Variants in TRIM37 observed in about 807,000 individuals in gnomAD.
TRIM37 encodes the protein E3 ubiquitin-protein ligase TRIM37.
In TRIM37, 80 loss-of-function variants were observed where a neutral mutation model predicts 129.8. The ratio of observed to expected loss-of-function variants is 0.62; its 90% CI spans 0.51 to 0.74. TRIM37 has a LOEUF of 0.74. Among genes scored for constraint, TRIM37 ranks in the 30% least tolerant of loss-of-function variants. The probability of loss-of-function intolerance (pLI) is 0.00; values close to 1 mark genes in which losing one functional copy is unlikely to be tolerated. For missense variants in TRIM37, 1,054 were observed against 1,176.5 expected, an observed-to-expected ratio of 0.90 and a Z score of 1.52; for synonymous variants, 389 against 387.1, an observed-to-expected ratio of 1.00 and a Z score of -0.06.
chr17:59,029,300 A>C (rs568847389), intron 18 of TRIM37, among the ~76,000 whole-genome samples: 1 of 152,202 alleles, frequency 6.6e-6, no homozygotes, highest in African/African-American at 2.4e-5. Context: ...TCCATTTCTG[A>C]TAATTTTCTC....
rs896534002 is a variant in TRIM37, at chr17:59,099,075, C to T, written c.123+5218G>A. 1.2e-4 allele frequency among the ~76,000 whole-genome samples: 18 copies of T among 152,098 alleles called. 1 individual carries two copies. The highest frequency in any genetic ancestry group is 4.3e-4 in the African/African-American group (18 of 41,500). ...GCGCACACCTGTAGTCCCAGCTACT[C>T]GGGAGGCTGAGGCAGCAGACTCGCT... On this transcript the variant is annotated intron_variant, in intron 2 of 23. Coordinates refer to ENST00000262294, the MANE Select transcript of TRIM37 (RefSeq NM_015294.6).
At chr17:59,098,723 A>T (rs1477301225) in intron 2 of TRIM37, among the ~76,000 whole-genome samples, 1 of 151,176 alleles carries the variant, frequency 6.6e-6, no homozygotes, top group Non-Finnish European at 1.5e-5. Context: ...TACCACAATT[A>T]AAAAAAAATT....
chr17:59,081,680 G>A (rs980697997), intron 5 of TRIM37, among the ~76,000 whole-genome samples: 4 of 152,044 alleles, frequency 2.6e-5, no homozygotes, highest in African/African-American at 9.6e-5. Flanking sequence ...CGCTGAGGAG[G>A]GCAGATCACT....
At chr17:59,089,419 G>A (rs1218923776) in intron 3 of TRIM37, among the ~76,000 whole-genome samples, 3 of 152,112 alleles carry the variant, frequency 2.0e-5, no homozygotes, top group African/African-American at 4.8e-5. Context: ...ACAGCGGGTG[G>A]ATCACAAGGT....
intron 4 of TRIM37, among the ~76,000 whole-genome samples, chr17:59,085,544 G>A (rs146788878): frequency 9.1e-4 from 138 of 152,264 alleles, no homozygotes; most frequent in African/African-American, 3.2e-3. Flanking sequence ...AAAAGAGCAA[G>A]TGTTGGCCAG....
intron 21 of TRIM37, among the ~76,000 whole-genome samples, chr17:59,012,694 T>C (rs139241884): frequency 1.8e-4 from 27 of 152,094 alleles, no homozygotes; most frequent in African/African-American, 6.5e-4. Context: ...CTGGCCAAGA[T>C]GGTGAAACCC....
chr17:59,075,084 T>A (rs562761516), intron 8 of TRIM37, among the ~76,000 whole-genome samples: 2 of 152,286 alleles, frequency 1.3e-5, no homozygotes, highest in East Asian at 3.9e-4. Flanking sequence ...ACATTCAGAT[T>A]TCTATGGAAA....
At chr17:59,056,662 G>A (rs370284614) in intron 13 of TRIM37, among the ~76,000 whole-genome samples, 7 of 131,952 alleles carry the variant, frequency 5.3e-5, no homozygotes, top group Admixed American at 1.9e-4. Context: ...CCCGGGAGGC[G>A]GAGCTTGTAG....
intron 9 of TRIM37, among the ~76,000 whole-genome samples, chr17:59,065,346 T>C (rs1314461243): frequency 2.0e-5 from 3 of 151,924 alleles, no homozygotes; most frequent in African/African-American, 7.3e-5. Flanking sequence ...TTTGAAACTA[T>C]TTACTAGCAA....
chr17:59,032,181 T>A (rs951493654), intron 17 of TRIM37, 91 bp from the exon 18 acceptor site: 1 of 1,304,866 alleles, frequency 7.7e-7, no homozygotes, highest in African/African-American at 1.4e-5. Flanking sequence ...ATATGAATAC[T>A]TGTCTATGGA....
intron 13 of TRIM37, among the ~76,000 whole-genome samples, chr17:59,051,965 C>T (rs1186006902): frequency 6.6e-6 from 1 of 152,012 alleles, no homozygotes; most frequent in African/African-American, 2.4e-5. Flanking sequence ...CTCACGTTCC[C>T]GTATTTCCTG....
intron 2 of TRIM37, among the ~76,000 whole-genome samples, chr17:59,099,595 T>C (rs2045264521): frequency 6.6e-6 from 1 of 152,008 alleles, no homozygotes; most frequent in African/African-American, 2.4e-5. Context: ...AGACAACATA[T>C]GGATGGTAAA....
At chr17:59,091,658 A>G (rs922818092) in intron 2 of TRIM37, among the ~76,000 whole-genome samples, 1 of 142,806 alleles carries the variant, frequency 7.0e-6, no homozygotes, top group African/African-American at 2.6e-5. Context: ...ATATTTATAT[A>G]TATAAAATAC....
At chr17:58,969,641 G>A in the TRIM37 span, 1 of 1,614,162 alleles carries the variant, frequency 6.2e-7, no homozygotes, top group Non-Finnish European at 8.5e-7. Context: ...AGTCCGCCAG[G>A]AGATGTTCCC....
At chr17:59,029,274 T>A (rs191469074) in intron 18 of TRIM37, among the ~76,000 whole-genome samples, 2,661 of 152,076 alleles carry the variant, frequency 0.017, 77 homozygotes, top group African/African-American at 0.06. Context: ...CAAAAAAAAA[T>A]TTTTTTATTA....
chr17:59,073,456 G>A (rs561422616), intron 8 of TRIM37, among the ~76,000 whole-genome samples: 1 of 152,094 alleles, frequency 6.6e-6, no homozygotes, highest in Non-Finnish European at 1.5e-5. Flanking sequence ...ACCTCGCCCA[G>A]CTAAGTTTTG....
At chr17:59,016,951 G>A (rs187878454) in intron 20 of TRIM37, among the ~76,000 whole-genome samples, 7 of 152,104 alleles carry the variant, frequency 4.6e-5, no homozygotes, top group East Asian at 3.9e-4. Context: ...TGAGGCAGGC[G>A]GATTGCTTGA....
At chr17:58,983,177 A>T (rs902719453) in intron 24 of TRIM37, 7 of 413,710 alleles carry the variant, frequency 1.7e-5, no homozygotes, top group Non-Finnish European at 2.6e-5. Context: ...GTCCGACTAC[A>T]CAGCAGTGTT....
intron 17 of TRIM37, among the ~76,000 whole-genome samples, chr17:59,037,557 C>CAAAAAAAAAAAAAAA (rs58856834): frequency 1.4e-5 from 1 of 73,998 alleles, no homozygotes; most frequent in Non-Finnish European, 2.6e-5. Flanking sequence ...GACTCTGTCT[C>CAAAAAAAAAAAAAAA]AAAAAAAAAA....
Sources: gnomAD v4.1 joint callset for allele counts (sites outside exome capture counted in the v4.1 genomes callset) on GRCh38, gnomAD v4.1.1 for gene constraint, MANE v1.5 for transcripts, NCBI Gene and HGNC (gene_info 2026-07-23, HGNC 2026-07-21) for gene names.